CHLSN: variants seen among roughly 807,000 people sequenced by gnomAD.
The protein encoded by CHLSN is protein cholesin.
At chr7:1,016,506 C>A in the CHLSN span, among the ~76,000 whole-genome samples, 2 of 148,342 alleles carry the variant, frequency 1.3e-5, no homozygotes, top group Middle Eastern at 3.5e-3. Context: ...CACAGCAGCA[C>A]AGCAGCGCAC....
chr7:1,101,790 G>A, the CHLSN span, among the ~76,000 whole-genome samples: 1 of 152,260 alleles, frequency 6.6e-6, no homozygotes, highest in African/African-American at 2.4e-5. Context: ...GGCCCAGGGA[G>A]ATGTCAGCTG....
the CHLSN span, among the ~76,000 whole-genome samples, chr7:1,024,309 G>T: frequency 1.3e-5 from 2 of 152,166 alleles, no homozygotes; most frequent in African/African-American, 4.8e-5. Flanking sequence ...CAGAGACGTG[G>T]GACCAGGAAT....
the CHLSN span, among the ~76,000 whole-genome samples, chr7:1,053,332 G>C: frequency 2.0e-5 from 3 of 152,372 alleles, no homozygotes; most frequent in South Asian, 6.2e-4. Context: ...GTCCACAGTA[G>C]AGCCCAGAAC....
At chr7:1,118,664 G>GA in the CHLSN span, among the ~76,000 whole-genome samples, 1 of 151,912 alleles carries the variant, frequency 6.6e-6, no homozygotes, top group African/African-American at 2.4e-5. Context: ...AAACAATGAA[G>GA]AAAGAGTTTC....
At chr7:1,116,196 A>C in the CHLSN span, among the ~76,000 whole-genome samples, 1 of 134,784 alleles carries the variant, frequency 7.4e-6, no homozygotes, top group Non-Finnish European at 1.6e-5. Context: ...TGACATCACT[A>C]CAGCTCTAGG....
chr7:997,553 C>A, the CHLSN span: 1 of 1,324,110 alleles, frequency 7.6e-7, no homozygotes, highest in Non-Finnish European at 9.8e-7. Context: ...CCCCCACCGC[C>A]GGAGGAGCTG....
chr7:1,074,395 C>T, the CHLSN span: 1 of 148,510 alleles, frequency 6.7e-6, no homozygotes, highest in African/African-American at 2.5e-5. Context: ...CCCGCCAGGC[C>T]CCTCCAACAG....
At chr7:1,064,119 T>C in the CHLSN span, among the ~76,000 whole-genome samples, 2 of 152,024 alleles carry the variant, frequency 1.3e-5, no homozygotes, top group Non-Finnish European at 2.9e-5. Flanking sequence ...CGTGCAAGCA[T>C]GCACACATAT....
At chr7:1,001,699 G>A in the CHLSN span, among the ~76,000 whole-genome samples, 37 of 127,712 alleles carry the variant, frequency 2.9e-4, no homozygotes, top group African/African-American at 1.1e-3. Context: ...GGAGTCCTGC[G>A]GGTGGGGAGT....
the CHLSN span, among the ~76,000 whole-genome samples, chr7:1,075,524 A>C: frequency 6.7e-6 from 1 of 149,490 alleles, no homozygotes; most frequent in South Asian, 2.1e-4. Flanking sequence ...ATTCTGTCTC[A>C]AAAAAAAAAT....
chr7:998,991 C>T, the CHLSN span, among the ~76,000 whole-genome samples: 31,033 of 151,962 alleles, frequency 0.2, 3,264 homozygotes, highest in East Asian at 0.27. Context: ...TAAATATGTA[C>T]GGTTACATAT....
the CHLSN span, among the ~76,000 whole-genome samples, chr7:1,061,784 A>G: frequency 6.9e-6 from 1 of 145,976 alleles, no homozygotes; most frequent in Non-Finnish European, 1.5e-5. Context: ...CAACTCCCCA[A>G]TTCTTCCAGG....
the CHLSN span, among the ~76,000 whole-genome samples, chr7:1,111,364 A>T: frequency 6.6e-6 from 1 of 152,240 alleles, no homozygotes; most frequent in Non-Finnish European, 1.5e-5. Flanking sequence ...AACCATCTTG[A>T]TGGCAAAGGT....
At chr7:1,011,364 AC>A in the CHLSN span, among the ~76,000 whole-genome samples, 3 of 147,576 alleles carry the variant, frequency 2.0e-5, no homozygotes, top group Admixed American at 2.0e-4. Flanking sequence ...ACACCCACAC[AC>A]ATCCAACAAA....
chr7:983,495 G>T, the CHLSN span: 15 of 1,113,624 alleles, frequency 1.3e-5, no homozygotes, highest in South Asian at 2.2e-5. Flanking sequence ...ACATGGTGCC[G>T]GGCCCAGCGG....
the CHLSN span, among the ~76,000 whole-genome samples, chr7:1,014,440 G>A: frequency 7.2e-5 from 11 of 152,204 alleles, no homozygotes; most frequent in East Asian, 5.8e-4. Context: ...CACCCCACCC[G>A]TCCATCTGTG....
the CHLSN span, among the ~76,000 whole-genome samples, chr7:1,000,994 T>TG: frequency 9.2e-5 from 14 of 152,288 alleles, no homozygotes; most frequent in Non-Finnish European, 8.8e-5. Flanking sequence ...AAGGGGCCAG[T>TG]GGGCCTGGGG....
chr7:1,093,646 A>G, the CHLSN span: 1 of 471,290 alleles, frequency 2.1e-6, no homozygotes, highest in East Asian at 6.9e-5. Context: ...GTCGGGTGCC[A>G]GGACAATGAA....
At chr7:1,011,029 G>A in the CHLSN span, among the ~76,000 whole-genome samples, 75 of 151,528 alleles carry the variant, frequency 4.9e-4, no homozygotes, top group African/African-American at 1.8e-3. Flanking sequence ...AGAAGAGTGA[G>A]GCAAGCCCCC....
Sources: gnomAD v4.1 joint callset for allele counts (sites outside exome capture counted in the v4.1 genomes callset) on GRCh38, gnomAD v4.1.1 for gene constraint, MANE v1.5 for transcripts, NCBI Gene and HGNC (gene_info 2026-07-23, HGNC 2026-07-21) for gene names.